Variants in CSMD2 observed in about 807,000 individuals in gnomAD.
CSMD2 encodes the protein CUB and sushi domain-containing protein 2.
CSMD2 carries 130 observed loss-of-function variants against 398.5 expected under a neutral mutation model. The ratio of observed to expected loss-of-function variants is 0.33; its 90% CI spans 0.28 to 0.38. The LOEUF is 0.38. Ranked by LOEUF, CSMD2 falls within the 10% of genes least tolerant of loss-of-function variation. The probability of loss-of-function intolerance (pLI) is 1.00; values close to 1 mark genes in which losing one functional copy is unlikely to be tolerated. For missense variants in CSMD2, 3,829 were observed against 4,764.9 expected, an observed-to-expected ratio of 0.80 and a Z score of 5.78; for synonymous variants, 1,828 against 1,908.5, an observed-to-expected ratio of 0.96 and a Z score of 1.10.
intron 3 of CSMD2, among the ~76,000 whole-genome samples, chr1:33,987,129 C>A (rs565639003): frequency 6.6e-6 from 1 of 152,084 alleles, no homozygotes; most frequent in Non-Finnish European, 1.5e-5. Context: ...TAGAAGACAG[C>A]CTTGAATGGT....
chr1:34,097,225 G>C (rs1172813214), intron 1 of CSMD2, among the ~76,000 whole-genome samples: 117 of 149,264 alleles, frequency 7.8e-4, no homozygotes, highest in African/African-American at 2.1e-3. Flanking sequence ...AAAGCTGAAA[G>C]TGGATCCCTT....
At chr1:34,154,381 T>C (rs1640608486) in intron 1 of CSMD2, among the ~76,000 whole-genome samples, 2 of 152,158 alleles carry the variant, frequency 1.3e-5, no homozygotes. Flanking sequence ...GACCAAATCT[T>C]CCATCATATA....
intron 44 of CSMD2, among the ~76,000 whole-genome samples, chr1:33,594,519 T>A (rs1409915287): frequency 1.3e-5 from 2 of 152,226 alleles, no homozygotes; most frequent in Non-Finnish European, 2.9e-5. Flanking sequence ...TCTCTTGGTA[T>A]CCAGAGAGCT....
intron 1 of CSMD2, among the ~76,000 whole-genome samples, chr1:34,114,097 C>G (rs1457460226): frequency 6.6e-6 from 1 of 152,026 alleles, no homozygotes; most frequent in East Asian, 1.9e-4. Flanking sequence ...AACCTGAGTA[C>G]CATAATCAGA....
chr1:34,146,277 T>C (rs1219746124), intron 1 of CSMD2, among the ~76,000 whole-genome samples: 1 of 152,180 alleles, frequency 6.6e-6, no homozygotes, highest in Non-Finnish European at 1.5e-5. Context: ...CTTTGACCAT[T>C]ATTCTAGGTC....
chr1:34,093,787 G>A lies in CSMD2; in HGVS notation c.188-4594C>T, dbSNP rs933985338. Among the ~76,000 whole-genome samples, 6 of 152,070 alleles carry A rather than the reference G, an allele frequency of 3.9e-5. No homozygotes were observed. In the East Asian group the frequency reaches 1.2e-3, roughly 29 times the overall value. ...AAGACCAAATCTACGTCCGATTGGT[G>A]TATCTGAAAGTGATGGGGAGAATGG... On this transcript the variant is annotated intron_variant, in intron 1 of 70. Coordinates refer to ENST00000373381, the MANE Select transcript of CSMD2 (RefSeq NM_001281956.2).
intron 2 of CSMD2, 85 bp from the exon 3 acceptor site, chr1:34,032,791 T>C: frequency 1.1e-6 from 1 of 893,004 alleles, no homozygotes; most frequent in African/African-American, 1.7e-5. Flanking sequence ...GCCTGCTGGA[T>C]ACACAGTGCT....
At chr1:33,944,287 G>A (rs1644774433) in intron 3 of CSMD2, among the ~76,000 whole-genome samples, 1 of 152,112 alleles carries the variant, frequency 6.6e-6, no homozygotes, top group South Asian at 2.1e-4. Context: ...TTTGATGGGA[G>A]TCAACGATGG....
intron 2 of CSMD2, among the ~76,000 whole-genome samples, chr1:34,076,225 C>T (rs1656311284): frequency 6.6e-6 from 1 of 152,220 alleles, no homozygotes; most frequent in Non-Finnish European, 1.5e-5. Context: ...TACATAGCAT[C>T]AGTGAGAAGT....
At chr1:33,611,012 G>A (rs370820096) in intron 41 of CSMD2, 29 bp downstream of exon 41, 7 of 1,601,108 alleles carry the variant, frequency 4.4e-6, no homozygotes, top group Middle Eastern at 3.3e-4. Flanking sequence ...GATAGACAGA[G>A]AAGCAAAGGC....
At chr1:33,729,056 G>T (rs551441030) in intron 15 of CSMD2, among the ~76,000 whole-genome samples, 1 of 152,304 alleles carries the variant, frequency 6.6e-6, no homozygotes, top group African/African-American at 2.4e-5. Flanking sequence ...ATACAGGTTT[G>T]CATCTCAGCA....
chr1:34,159,452 G>A (rs1320068188), intron 1 of CSMD2, among the ~76,000 whole-genome samples: 1 of 152,052 alleles, frequency 6.6e-6, no homozygotes, highest in Non-Finnish European at 1.5e-5. Flanking sequence ...CCAGTGGGAA[G>A]AGCAAGGCCA....
intron 1 of CSMD2, among the ~76,000 whole-genome samples, chr1:34,129,374 G>T (rs1219638772): frequency 6.6e-6 from 1 of 152,226 alleles, no homozygotes; most frequent in Non-Finnish European, 1.5e-5. Flanking sequence ...ATGATAGGCT[G>T]GGCGCAGTGG....
At chr1:34,113,621 C>T (rs1661315969) in intron 1 of CSMD2, among the ~76,000 whole-genome samples, 1 of 152,082 alleles carries the variant, frequency 6.6e-6, no homozygotes, top group Non-Finnish European at 1.5e-5. Flanking sequence ...GGAGGAGGTG[C>T]CAGGGGCTTG....
intron 1 of CSMD2, among the ~76,000 whole-genome samples, chr1:34,093,662 T>G (rs1435584338): frequency 6.6e-6 from 1 of 151,408 alleles, no homozygotes; most frequent in African/African-American, 2.4e-5. Context: ...GTATCAGCAA[T>G]GGAAGATGAA....
At chr1:33,811,078 T>C (rs1441904271) in intron 9 of CSMD2, among the ~76,000 whole-genome samples, 1 of 152,114 alleles carries the variant, frequency 6.6e-6, no homozygotes, top group African/African-American at 2.4e-5. Context: ...TAGGCAATGA[T>C]GAACTTCTAA....
chr1:33,877,334 T>C (rs1383486892), intron 5 of CSMD2, among the ~76,000 whole-genome samples: 3 of 152,188 alleles, frequency 2.0e-5, no homozygotes, highest in Non-Finnish European at 2.9e-5. Flanking sequence ...ACAGAGGTCC[T>C]GTGTGCCATC....
intron 5 of CSMD2, among the ~76,000 whole-genome samples, chr1:33,894,920 T>C (rs1332198865): frequency 6.6e-6 from 1 of 152,076 alleles, no homozygotes; most frequent in African/African-American, 2.4e-5. Flanking sequence ...TCCCAAATCC[T>C]TTTCCCCCAA....
chr1:33,752,467 G>C (rs541433996), intron 13 of CSMD2, among the ~76,000 whole-genome samples: 7 of 152,342 alleles, frequency 4.6e-5, no homozygotes, highest in African/African-American at 1.7e-4. Context: ...CTCACCAGGA[G>C]CTGAGCAGAT....
Sources: gnomAD v4.1 joint callset for allele counts (sites outside exome capture counted in the v4.1 genomes callset) on GRCh38, gnomAD v4.1.1 for gene constraint, MANE v1.5 for transcripts, NCBI Gene and HGNC (gene_info 2026-07-23, HGNC 2026-07-21) for gene names.